The following SNX5 variants were observed in gnomAD, a reference collection of about 807,000 sequenced individuals.
SNX5 encodes sorting nexin 5.
In SNX5, 31 loss-of-function variants were observed where a neutral mutation model predicts 53.9. That is an observed-to-expected ratio of 0.58 (90% CI 0.43 to 0.78). SNX5 has a LOEUF of 0.78. Among genes scored for constraint, SNX5 ranks in the 30% least tolerant of loss-of-function variants. The probability of loss-of-function intolerance (pLI) is 0.00; values close to 1 mark genes in which losing one functional copy is unlikely to be tolerated. For missense variants in SNX5, 471 were observed against 478.8 expected (o/e 0.98, Z 0.15); for synonymous variants, 168 against 171.1 (o/e 0.98, Z 0.14).
intron 1 of SNX5, among the ~76,000 whole-genome samples, chr20:17,958,493 A>G (rs1555787330): frequency 6.6e-6 from 1 of 152,222 alleles, no homozygotes; most frequent in Non-Finnish European, 1.5e-5. Flanking sequence ...GAGGGAGCCT[A>G]TTACAATGGC....
chr20:17,961,396 T>C (rs1284524247), intron 1 of SNX5: 1 of 985,296 alleles, frequency 1.0e-6, no homozygotes, highest in Non-Finnish European at 1.2e-6. Flanking sequence ...TACAGTTTTT[T>C]CTAAGTGGTT....
At chr20:17,963,598 C>CT (rs1266203813) in intron 1 of SNX5, among the ~76,000 whole-genome samples, 4 of 152,152 alleles carry the variant, frequency 2.6e-5, no homozygotes, top group Non-Finnish European at 5.9e-5. Flanking sequence ...AGCAAGCCCC[C>CT]TTTTTTGTAG....
intron 10 of SNX5, 60 bp from the exon 11 acceptor site, chr20:17,947,705 C>G: frequency 1.4e-6 from 2 of 1,448,224 alleles, no homozygotes; most frequent in Non-Finnish European, 1.9e-6. Flanking sequence ...AAAAATAGCC[C>G]AAGTGCCAAT....
intron 1 of SNX5, among the ~76,000 whole-genome samples, chr20:17,958,738 A>G (rs1364492306): frequency 6.6e-6 from 1 of 152,196 alleles, no homozygotes; most frequent in East Asian, 1.9e-4. Flanking sequence ...ACTTCATTTG[A>G]TCATAACTGA....
At chr20:17,954,210 C>A in intron 3 of SNX5, 93 bp from the exon 4 acceptor site, 1 of 1,553,002 alleles carries the variant, frequency 6.4e-7, no homozygotes, top group Admixed American at 2.0e-5. Flanking sequence ...CCACAGGAGA[C>A]AACCACTCCA....
At chr20:17,943,224 C>G (rs1458066095) in intron 11 of SNX5, 29 bp from the exon 12 acceptor site, 2 of 1,427,952 alleles carry the variant, frequency 1.4e-6, no homozygotes, top group Non-Finnish European at 9.8e-7. Flanking sequence ...TTTATGAAAC[C>G]AAGAAAAACT....
intron 12 of SNX5, 160 bp downstream of exon 12, chr20:17,942,950 G>T: frequency 3.6e-6 from 2 of 553,558 alleles, no homozygotes; most frequent in Non-Finnish European, 6.5e-6. Flanking sequence ...TTATAAACAA[G>T]ACTACAAATA....
Position 17,942,193 on chromosome 20 carries a change from T to A in SNX5, c.*164A>T. Reference sequence around the variant, plus strand: ...TCCAAGTAGCAAGCAATAATATTTTTAAACCAACATGGTTAAATGTTAAGA... The same window carrying A: ...TCCAAGTAGCAAGCAATAATATTTTAAAACCAACATGGTTAAATGTTAAGA... On this transcript the variant is annotated 3_prime_UTR_variant, in exon 13 of 13. Transcript: ENST00000377759. 1 of 603,976 alleles carries A rather than the reference T, an allele frequency of 1.7e-6. No individual in the cohort carries two copies. The allele number at this position is 603,976 out of a possible 1,614,324, so 37.4% of individuals were successfully genotyped here.
In SNX5 at chr20:17,968,628, C is replaced by A. The variant is rs1045928223; in HGVS notation, c.-203G>T. ...GCAGGCGAGCAGGGCGCCACGTGCTCCCCCAGAGCAGCCTCCCAGTCCCCG... is the reference window on the plus strand; with the variant it reads ...GCAGGCGAGCAGGGCGCCACGTGCTACCCCAGAGCAGCCTCCCAGTCCCCG... On this transcript the variant is annotated 5_prime_UTR_variant, in exon 1 of 13. It introduces an in-frame stop codon into an upstream open reading frame of the 5' UTR. Transcript: ENST00000377759. 3.2e-6 allele frequency: 2 copies of A among 622,068 alleles called. No homozygotes were observed. Among genetic ancestry groups the A allele is most frequent in the African/African-American group, 1.9e-5 (1 of 51,792 alleles). 38.5% of individuals were successfully genotyped at this position (622,068 alleles called of 1,614,324 possible).
chr20:17,946,599 TGTA>T lies in SNX5; in HGVS notation c.1078+884_1078+886del, dbSNP rs374500835. ...TTTCTGAGAAAAGGGAAGGCTTTTT[TGTA>T]GTAGGATGACAAGTGCCAACTTGGG... On this transcript the variant is annotated intron_variant, in intron 11 of 12. Transcript: ENST00000377759. Among the ~76,000 whole-genome samples, 39 of 152,328 alleles carry T rather than the reference TGTA, an allele frequency of 2.6e-4. 1 individual carries two copies. The highest frequency in any genetic ancestry group is 9.4e-4 in the African/African-American group (39 of 41,590).
chr20:17,942,967 G>C, intron 12 of SNX5, 143 bp downstream of exon 12: 1 of 602,912 alleles, frequency 1.7e-6, no homozygotes, highest in Non-Finnish European at 3.0e-6. Context: ...AATAAACAAT[G>C]AGTGGCTCCC....
At chr20:17,958,257 T>C (rs562671413) in intron 1 of SNX5, among the ~76,000 whole-genome samples, 1 of 152,292 alleles carries the variant, frequency 6.6e-6, no homozygotes, top group South Asian at 2.1e-4. Flanking sequence ...AAGTGAAGAT[T>C]ACAATTAAGA....
chr20:17,959,973 T>C (rs1008113479), intron 1 of SNX5, among the ~76,000 whole-genome samples: 4 of 152,166 alleles, frequency 2.6e-5, no homozygotes, highest in East Asian at 1.9e-4. Context: ...CTTGAGTCTC[T>C]GACTTAGGCC....
intron 1 of SNX5, among the ~76,000 whole-genome samples, chr20:17,964,309 C>CT (rs1411847588): frequency 6.7e-6 from 1 of 149,218 alleles, no homozygotes; most frequent in African/African-American, 2.4e-5. Context: ...CCTTCAGAAA[C>CT]TGAGCTTTTC....
At chr20:17,955,042 T>C (rs1600344141) in intron 3 of SNX5, among the ~76,000 whole-genome samples, 1 of 152,146 alleles carries the variant, frequency 6.6e-6, no homozygotes, top group Non-Finnish European at 1.5e-5. Context: ...CTATTACCAA[T>C]AGCAGTGTTT....
chr20:17,945,836 C>T (rs1462329279), intron 11 of SNX5, among the ~76,000 whole-genome samples: 2 of 152,146 alleles, frequency 1.3e-5, no homozygotes, highest in African/African-American at 4.8e-5. Context: ...TAGCTTCAAA[C>T]ATGTTGATGA....
At chr20:17,955,091 C>T (rs778275726) in intron 3 of SNX5, among the ~76,000 whole-genome samples, 2 of 151,994 alleles carry the variant, frequency 1.3e-5, no homozygotes, top group Non-Finnish European at 2.9e-5. Context: ...AAAAACATAC[C>T]AGAGAAAAAC....
intron 11 of SNX5, 176 bp downstream of exon 11, chr20:17,947,310 T>G: frequency 1.6e-6 from 1 of 623,690 alleles, no homozygotes; most frequent in Non-Finnish European, 2.7e-6. Context: ...TGTGTAACGT[T>G]TGTAAGCACG....
chr20:17,957,151 T>C (rs1210397773), intron 1 of SNX5, 114 bp from the exon 2 acceptor site: 2 of 712,476 alleles, frequency 2.8e-6, no homozygotes, highest in Admixed American at 2.0e-5. Context: ...GAAATGTCAG[T>C]TGAGCTGGGC....
Sources: allele counts gnomAD v4.1 joint callset (sites outside exome capture counted in the v4.1 genomes callset), GRCh38; gene constraint gnomAD v4.1.1; transcripts MANE v1.5; gene names NCBI Gene and HGNC (gene_info 2026-07-23, HGNC 2026-07-21).